The following RASGRF2 variants were observed in gnomAD, a reference collection of about 807,000 sequenced individuals.
RASGRF2 encodes the protein Ras protein specific guanine nucleotide releasing factor 2, also known as ras-specific guanine nucleotide-releasing factor 2.
In RASGRF2, 76 loss-of-function variants were observed where a neutral mutation model predicts 151.0. The ratio of observed to expected loss-of-function variants is 0.50; its 90% CI spans 0.42 to 0.61. The LOEUF is 0.61. RASGRF2 is among the 20% of genes least tolerant of loss of function. The pLI is 0.00. For synonymous variants in RASGRF2, 504 were observed against 566.5 expected (o/e 0.89, Z 1.57); for missense variants, 1,148 against 1,564.6 (o/e 0.73, Z 4.49).
chr5:81,155,516 A>G (rs1481829825), intron 17 of RASGRF2, among the ~76,000 whole-genome samples: 2 of 152,248 alleles, frequency 1.3e-5, no homozygotes, highest in Non-Finnish European at 2.9e-5. Flanking sequence ...AAGCAGAAAC[A>G]TCACAACCAA....
At chr5:81,134,796 C>T (rs1484535959) in intron 17 of RASGRF2, among the ~76,000 whole-genome samples, 1 of 152,142 alleles carries the variant, frequency 6.6e-6, no homozygotes, top group Non-Finnish European at 1.5e-5. Flanking sequence ...AGTTTTTGCA[C>T]AGTATGCATA....
chr5:81,216,546 C>T (rs948144435), intron 24 of RASGRF2, among the ~76,000 whole-genome samples: 1 of 152,140 alleles, frequency 6.6e-6, no homozygotes, highest in Non-Finnish European at 1.5e-5. Context: ...ATAGCAACAA[C>T]AGCAATAATA....
At chr5:81,193,113 A>G (rs1362550645) in intron 18 of RASGRF2, among the ~76,000 whole-genome samples, 1 of 152,152 alleles carries the variant, frequency 6.6e-6, no homozygotes, top group African/African-American at 2.4e-5. Flanking sequence ...CACTGAGAAA[A>G]TTACTCTCAT....
At chr5:81,030,932 T>A (rs1171161368) in intron 1 of RASGRF2, among the ~76,000 whole-genome samples, 3 of 151,834 alleles carry the variant, frequency 2.0e-5, no homozygotes, top group Non-Finnish European at 4.4e-5. Context: ...ACACATTGGC[T>A]CAAAATAAAG....
intron 18 of RASGRF2, among the ~76,000 whole-genome samples, chr5:81,187,111 A>G (rs1755042310): frequency 6.6e-6 from 1 of 152,200 alleles, no homozygotes; most frequent in South Asian, 2.1e-4. Flanking sequence ...CAAGCAGGCC[A>G]AATGCTGTTA....
chr5:81,073,982 A>G (rs17211275), intron 5 of RASGRF2, among the ~76,000 whole-genome samples: 7,854 of 151,910 alleles, frequency 0.052, 253 homozygotes, highest in Non-Finnish European at 0.069. Context: ...TTTCTTCTCT[A>G]TTTGACCTAC....
intron 18 of RASGRF2, among the ~76,000 whole-genome samples, chr5:81,201,016 G>A (rs1228226898): frequency 6.6e-6 from 1 of 152,058 alleles, no homozygotes; most frequent in African/African-American, 2.4e-5. Flanking sequence ...AGGCTGGAGG[G>A]GTGGGCCAGG....
At chr5:81,186,438 A>G (rs1319631471) in intron 18 of RASGRF2, among the ~76,000 whole-genome samples, 1 of 152,224 alleles carries the variant, frequency 6.6e-6, no homozygotes, top group Non-Finnish European at 1.5e-5. Context: ...TTTATCTGTC[A>G]AATGATATTC....
At chr5:81,079,418 C>T (rs2112475533) in intron 5 of RASGRF2, among the ~76,000 whole-genome samples, 1 of 152,330 alleles carries the variant, frequency 6.6e-6, no homozygotes, top group African/African-American at 2.4e-5. Flanking sequence ...AGGGATCTCA[C>T]TGAGATGAAC....
At chr5:81,189,852 C>T (rs1288334977) in intron 18 of RASGRF2, among the ~76,000 whole-genome samples, 1 of 151,916 alleles carries the variant, frequency 6.6e-6, no homozygotes, top group African/African-American at 2.4e-5. Flanking sequence ...GCTGGGATTA[C>T]AGGCATGCGC....
intron 5 of RASGRF2, among the ~76,000 whole-genome samples, chr5:81,079,005 G>A (rs925729531): frequency 2.0e-5 from 3 of 152,192 alleles, no homozygotes; most frequent in Admixed American, 2.0e-4. Context: ...CTAAAGCTGG[G>A]TGCTGACATT....
chr5:81,196,134 C>G (rs1755259971), intron 18 of RASGRF2, among the ~76,000 whole-genome samples: 1 of 152,190 alleles, frequency 6.6e-6, no homozygotes, highest in South Asian at 2.1e-4. Context: ...TGGTGTGCAC[C>G]TGTAGTCACA....
chr5:81,132,735 C>A (rs1465882842), intron 17 of RASGRF2, among the ~76,000 whole-genome samples: 3 of 152,110 alleles, frequency 2.0e-5, no homozygotes, highest in Non-Finnish European at 4.4e-5. Context: ...TTGTGTTGCA[C>A]CCATACCCAC....
rs139322438 is a variant in RASGRF2 at position 80,993,131 on chromosome 5, T to G, written c.288+32105T>G. ...CTAGAGGTTGATGGCATAATGTCTA[T>G]GCATAATTTAGTGAAGGCTTTTCTA... On this transcript the variant is annotated intron_variant, in intron 1 of 26. Coordinates refer to ENST00000265080, the MANE Select transcript of RASGRF2 (RefSeq NM_006909.3). Among the ~76,000 whole-genome samples the G allele has an allele frequency of 9.0e-3, 1,366 of 152,286 alleles. 12 individuals are homozygous for G. The highest frequency in any genetic ancestry group is 0.022 in the African/African-American group (897 of 41,548).
chr5:81,146,121 G>A (rs902916397), intron 17 of RASGRF2, among the ~76,000 whole-genome samples: 10 of 152,254 alleles, frequency 6.6e-5, no homozygotes, highest in South Asian at 4.2e-4. Context: ...CAAGGTTCCC[G>A]AACAGTCTTT....
intron 18 of RASGRF2, among the ~76,000 whole-genome samples, chr5:81,182,566 C>T (rs1188652338): frequency 6.6e-6 from 1 of 152,088 alleles, no homozygotes; most frequent in East Asian, 1.9e-4. Context: ...TTATGGCTGC[C>T]CAGTAATCAT....
At chr5:80,975,879 G>A (rs1246057248) in intron 1 of RASGRF2, among the ~76,000 whole-genome samples, 1 of 144,604 alleles carries the variant, frequency 6.9e-6, no homozygotes. Flanking sequence ...TTGAGACGGA[G>A]TTTTGTTCTC....
chr5:81,165,670 G>A (rs1467085419), intron 17 of RASGRF2, among the ~76,000 whole-genome samples: 1 of 152,164 alleles, frequency 6.6e-6, no homozygotes, highest in Non-Finnish European at 1.5e-5. Context: ...TCTAGGCCAT[G>A]TGTCCTGTCC....
chr5:81,129,486 AC>A (rs1753558464), intron 17 of RASGRF2, among the ~76,000 whole-genome samples: 1 of 152,188 alleles, frequency 6.6e-6, no homozygotes, highest in African/African-American at 2.4e-5. Flanking sequence ...CAAATTGACC[AC>A]ATTCTGTTTC....
Sources: gnomAD v4.1 joint callset for allele counts (sites outside exome capture counted in the v4.1 genomes callset) on GRCh38, gnomAD v4.1.1 for gene constraint, MANE v1.5 for transcripts, NCBI Gene and HGNC (gene_info 2026-07-23, HGNC 2026-07-21) for gene names.